Variants in VSNL1 observed in about 807,000 individuals in gnomAD.
VSNL1 encodes the protein visinin-like protein 1.
Under a neutral mutation model 20.4 loss-of-function variants are expected in VSNL1, and 6 were observed. The observed-to-expected ratio is 0.29, with a 90% confidence interval of 0.16 to 0.58. VSNL1 has a LOEUF of 0.58. Among genes scored for constraint, VSNL1 ranks in the 20% least tolerant of loss-of-function variants. The pLI, the probability that VSNL1 is intolerant of heterozygous loss-of-function variation, is 0.90. For synonymous variants in VSNL1, 93 were observed against 86.4 expected (o/e 1.08, Z -0.42); for missense variants, 100 against 234.5 (o/e 0.43, Z 3.75).
intron 2 of VSNL1, among the ~76,000 whole-genome samples, chr2:17,626,312 T>C (rs11681239): frequency 0.3 from 45,697 of 152,084 alleles, 8,743 homozygotes; most frequent in Middle Eastern, 0.57. Flanking sequence ...CCTGAGGACT[T>C]GTGTAGTACC....
chr2:17,569,306 C>CAAA (rs202086149), intron 1 of VSNL1, among the ~76,000 whole-genome samples: 61 of 124,910 alleles, frequency 4.9e-4, no homozygotes, highest in Admixed American at 1.2e-3. Flanking sequence ...GACCCTGTCT[C>CAAA]AAAAAAAAAA....
At chr2:17,592,640 CTTTTTTTT>C (rs55756596) in intron 2 of VSNL1, among the ~76,000 whole-genome samples, 14,099 of 70,604 alleles carry the variant, frequency 0.2, 2,290 homozygotes, top group Non-Finnish European at 0.26. Flanking sequence ...CTCTCTCTCT[CTTTTTTTT>C]TTTTTTTTTT....
chr2:17,599,985 G>A (rs930277162), intron 2 of VSNL1, among the ~76,000 whole-genome samples: 2 of 152,146 alleles, frequency 1.3e-5, no homozygotes, highest in Non-Finnish European at 2.9e-5. Context: ...GCTTCTCCCT[G>A]GGAAATCATT....
chr2:17,649,833 C>T lies in VSNL1; in HGVS notation c.378+208C>T, dbSNP rs916590361. 1.3e-5 allele frequency among the ~76,000 whole-genome samples: 2 copies of T among 152,330 alleles called. No homozygotes were observed. The highest frequency in any genetic ancestry group is 3.9e-4 in the East Asian group (2 of 5,178). On this transcript the variant is annotated intron_variant, in intron 3 of 3. Transcript: ENST00000295156. The surrounding 1 kb of genome is among the most constrained non-coding windows in gnomAD (Gnocchi z 6.4). The stretch of plus-strand genomic sequence containing the variant: ...AGCCATGGGGCCCGTACTGTCGTGA[C>T]GGTGGCATTGTCATCTGCCATTCAC...
chr2:17,650,121 T>C (rs1040181853), intron 3 of VSNL1, among the ~76,000 whole-genome samples: 9 of 152,178 alleles, frequency 5.9e-5, no homozygotes, highest in Admixed American at 5.9e-4. Context: ...GAAGGTCTTC[T>C]TGGTTTTCTT....
At chr2:17,579,272 C>A (rs1456748239) in intron 1 of VSNL1, among the ~76,000 whole-genome samples, 1 of 152,076 alleles carries the variant, frequency 6.6e-6, no homozygotes, top group Non-Finnish European at 1.5e-5. Context: ...CCCGCCACCA[C>A]GCCCGGCTAA....
At chr2:17,651,919 T>C (rs1449470496) in intron 3 of VSNL1, among the ~76,000 whole-genome samples, 1 of 152,252 alleles carries the variant, frequency 6.6e-6, no homozygotes, top group Non-Finnish European at 1.5e-5. Context: ...GAGATTAGTT[T>C]TGACAGGCAG....
At chr2:17,551,656 T>TG (rs1572326282) in intron 1 of VSNL1, among the ~76,000 whole-genome samples, 1 of 152,144 alleles carries the variant, frequency 6.6e-6, no homozygotes, top group Non-Finnish European at 1.5e-5. Context: ...CAGGGGAAAG[T>TG]GATCTAGATC....
chr2:17,558,780 A>T (rs983714214), intron 1 of VSNL1, among the ~76,000 whole-genome samples: 9 of 152,300 alleles, frequency 5.9e-5, no homozygotes, highest in African/African-American at 1.9e-4. Context: ...CATCTATGAT[A>T]TGCTTTTTTT....
intron 2 of VSNL1, among the ~76,000 whole-genome samples, chr2:17,611,675 C>T (rs915245275): frequency 1.3e-5 from 2 of 152,212 alleles, no homozygotes; most frequent in East Asian, 1.9e-4. Flanking sequence ...GCTCAAGGTG[C>T]GAAAGGAGCC....
At chr2:17,577,506 C>G (rs1355352880) in intron 1 of VSNL1, among the ~76,000 whole-genome samples, 1 of 152,170 alleles carries the variant, frequency 6.6e-6, no homozygotes, top group African/African-American at 2.4e-5. Flanking sequence ...ACTCTCCATT[C>G]TGTTATGCTG....
At chr2:17,641,402 C>A (rs775764660) in intron 2 of VSNL1, among the ~76,000 whole-genome samples, 2 of 152,188 alleles carry the variant, frequency 1.3e-5, no homozygotes, top group Non-Finnish European at 2.9e-5. Flanking sequence ...TAAAAACAAT[C>A]TTTCCAGTCT....
chr2:17,621,776 TGCCACCACACTTG>T (rs556343666), intron 2 of VSNL1, among the ~76,000 whole-genome samples: 32 of 152,276 alleles, frequency 2.1e-4, no homozygotes, highest in African/African-American at 7.7e-4. Context: ...TATAGGCACT[TGCCACCACACTTG>T]GCTAATTTTT....
At chr2:17,593,494 A>G (rs1664642604) in intron 2 of VSNL1, among the ~76,000 whole-genome samples, 1 of 152,244 alleles carries the variant, frequency 6.6e-6, no homozygotes, top group Non-Finnish European at 1.5e-5. Context: ...CAGGGAAGTG[A>G]TGAACCCAAG....
chr2:17,550,238 C>G (rs1663500638), intron 1 of VSNL1, among the ~76,000 whole-genome samples: 1 of 152,018 alleles, frequency 6.6e-6, no homozygotes, highest in South Asian at 2.1e-4. Flanking sequence ...AAATATGTCC[C>G]CTGTCTTCTC....
intron 2 of VSNL1, among the ~76,000 whole-genome samples, chr2:17,607,231 A>T (rs1183227304): frequency 2.0e-5 from 3 of 152,204 alleles, no homozygotes; most frequent in African/African-American, 7.2e-5. Flanking sequence ...TAGCGAGTTG[A>T]TCTGGGCCAG....
intron 1 of VSNL1, among the ~76,000 whole-genome samples, chr2:17,580,672 C>A (rs1664331547): frequency 6.6e-6 from 1 of 152,208 alleles, no homozygotes; most frequent in African/African-American, 2.4e-5. Flanking sequence ...TAAGAACAAA[C>A]CCTGGAGGCA....
At chr2:17,543,630 A>G (rs757515270) in intron 1 of VSNL1, among the ~76,000 whole-genome samples, 1 of 152,224 alleles carries the variant, frequency 6.6e-6, no homozygotes, top group Non-Finnish European at 1.5e-5. Flanking sequence ...AGAAGGCTTG[A>G]CTGGTTTAAC....
At chr2:17,643,912 C>A (rs1395389530) in intron 2 of VSNL1, among the ~76,000 whole-genome samples, 1 of 152,120 alleles carries the variant, frequency 6.6e-6, no homozygotes, top group Non-Finnish European at 1.5e-5. Flanking sequence ...GACAAGGGAG[C>A]CGGGGGACCA....
Sources: allele counts gnomAD v4.1 joint callset (sites outside exome capture counted in the v4.1 genomes callset), GRCh38; gene constraint gnomAD v4.1.1; non-coding constraint Gnocchi (gnomAD v3.1); transcripts MANE v1.5; gene names NCBI Gene and HGNC (gene_info 2026-07-23, HGNC 2026-07-21).